ANKS1B: variants seen among roughly 807,000 people sequenced by gnomAD.
ANKS1B encodes the protein ankyrin repeat and sterile alpha motif domain-containing protein 1B.
ANKS1B carries 36 observed loss-of-function variants against 148.3 expected under a neutral mutation model. That is an observed-to-expected ratio of 0.24 (90% CI 0.19 to 0.32). The LOEUF is 0.32. Among genes scored for constraint, ANKS1B ranks in the 10% least tolerant of loss-of-function variants. The probability of loss-of-function intolerance (pLI) is 1.00; values close to 1 mark genes in which losing one functional copy is unlikely to be tolerated. For synonymous variants in ANKS1B, 542 were observed against 560.8 expected (o/e 0.97, Z 0.47); for missense variants, 1,157 against 1,542.6 (o/e 0.75, Z 4.19).
At chr12:99,626,478 C>A (rs568836320) in intron 9 of ANKS1B, among the ~76,000 whole-genome samples, 1 of 152,136 alleles carries the variant, frequency 6.6e-6, no homozygotes, top group Non-Finnish European at 1.5e-5. Context: ...CAGCCCACAT[C>A]CTTTCACTTT....
At position 99,160,833 on chromosome 12, in the gene ANKS1B, AT is replaced by A. The variant is rs1261998607; in HGVS notation, c.2420-6439del. Among the ~76,000 whole-genome samples, 3 of 152,178 alleles carry A rather than the reference AT, an allele frequency of 2.0e-5. No homozygotes were observed. In the South Asian group the frequency reaches 6.2e-4, roughly 32 times the overall value. On this transcript the variant is annotated intron_variant, in intron 14 of 26. Coordinates refer to ENST00000683438, the MANE Select transcript of ANKS1B (RefSeq NM_001352186.2). ...TTGCTTATTTTTGTTGATTTGTCAA[AT>A]ATCAGGTGGCTGTAGGTGTGCGGCT...
intron 17 of ANKS1B, among the ~76,000 whole-genome samples, chr12:98,853,898 C>T (rs2099546840): frequency 6.6e-6 from 1 of 152,292 alleles, no homozygotes; most frequent in Non-Finnish European, 1.5e-5. Context: ...GATGGTGGGA[C>T]AACCGACAGG....
At chr12:99,746,542 C>T (rs1490041630) in intron 8 of ANKS1B, among the ~76,000 whole-genome samples, 1 of 152,092 alleles carries the variant, frequency 6.6e-6, no homozygotes, top group Non-Finnish European at 1.5e-5. Flanking sequence ...CATTCCCTTG[C>T]TTCTATACAA....
chr12:99,203,172 A>G (rs913269276), intron 14 of ANKS1B, among the ~76,000 whole-genome samples: 4 of 152,180 alleles, frequency 2.6e-5, no homozygotes, highest in African/African-American at 9.7e-5. Flanking sequence ...GTAAACCTGC[A>G]TTAGATCTTT....
intron 9 of ANKS1B, among the ~76,000 whole-genome samples, chr12:99,565,200 T>C (rs964790963): frequency 6.6e-6 from 1 of 152,176 alleles, no homozygotes; most frequent in Non-Finnish European, 1.5e-5. Flanking sequence ...CTGTTATTCA[T>C]TGGGCACTAT....
At chr12:99,910,782 T>C (rs1447113585) in intron 1 of ANKS1B, among the ~76,000 whole-genome samples, 1 of 148,052 alleles carries the variant, frequency 6.8e-6, no homozygotes, top group Non-Finnish European at 1.5e-5. Flanking sequence ...AATATATGCA[T>C]ATATATACAT....
rs2064388256 is a variant in ANKS1B, at chr12:99,782,084, C to T, written c.683G>A (p.Ser228Asn). The T allele has an allele frequency of 6.2e-7, 1 of 1,601,174 alleles. No homozygotes were observed. The highest frequency in any genetic ancestry group is 8.5e-7 in the Non-Finnish European group (1 of 1,174,460). Residue 228 changes from serine to asparagine, a missense_variant, in exon 5 of 27, where the codon AGT becomes AAT. By Grantham distance (46) the Ser-to-Asn change is conservative. Coordinates refer to ENST00000683438, the MANE Select transcript of ANKS1B (RefSeq NM_001352186.2). ...MDVSCQTEKG[S>N]ALHEAALFGK... ...AAACAAAGCTGCTTCATGAAGTGCA[C>T]TCCCCTTTTCTGTCTGGAAAAAAAA... is the stretch of plus-strand genomic sequence containing the variant.
chr12:99,401,710 C>T (rs549639544), intron 11 of ANKS1B, among the ~76,000 whole-genome samples: 12 of 146,418 alleles, frequency 8.2e-5, no homozygotes, highest in East Asian at 1.9e-4. Context: ...TGAATATAAA[C>T]GAGGTGGGAG....
chr12:99,542,971 G>A (rs760867632), intron 9 of ANKS1B, among the ~76,000 whole-genome samples: 1 of 151,970 alleles, frequency 6.6e-6, no homozygotes, highest in African/African-American at 2.4e-5. Flanking sequence ...AGTAACAAAA[G>A]AAATAAATAA....
chr12:98,935,258 T>C (rs2099817494), intron 17 of ANKS1B, among the ~76,000 whole-genome samples: 1 of 152,206 alleles, frequency 6.6e-6, no homozygotes, highest in African/African-American at 2.4e-5. Flanking sequence ...TTATCTTTTA[T>C]TCTGTTAATG....
chr12:99,843,001 T>C (rs188571173), intron 1 of ANKS1B, among the ~76,000 whole-genome samples: 1 of 152,250 alleles, frequency 6.6e-6, no homozygotes, highest in Non-Finnish European at 1.5e-5. Context: ...CAAATTTTCT[T>C]TGTATTTCTA....
intron 16 of ANKS1B, among the ~76,000 whole-genome samples, chr12:99,084,231 C>T (rs1045787998): frequency 6.6e-6 from 1 of 152,126 alleles, no homozygotes; most frequent in African/African-American, 2.4e-5. Context: ...GATATCGTCT[C>T]TTATGGGGCA....
intron 12 of ANKS1B, among the ~76,000 whole-genome samples, chr12:99,279,099 G>C (rs371997155): frequency 6.6e-6 from 1 of 152,210 alleles, no homozygotes; most frequent in Non-Finnish European, 1.5e-5. Flanking sequence ...TCACTGACTC[G>C]TTGACTCACT....
intron 11 of ANKS1B, among the ~76,000 whole-genome samples, chr12:99,431,606 G>T (rs2095371904): frequency 6.6e-6 from 1 of 152,144 alleles, no homozygotes; most frequent in South Asian, 2.1e-4. Flanking sequence ...CAATATATTT[G>T]ACAATGGAAA....
intron 4 of ANKS1B, among the ~76,000 whole-genome samples, chr12:99,794,231 A>C (rs1000587333): frequency 1.3e-5 from 2 of 152,038 alleles, no homozygotes; most frequent in African/African-American, 2.4e-5. Context: ...GGGAATGTGA[A>C]TTAGTACAAC....
intron 17 of ANKS1B, among the ~76,000 whole-genome samples, chr12:98,859,269 A>T (rs2099587033): frequency 6.6e-6 from 1 of 152,250 alleles, no homozygotes; most frequent in Non-Finnish European, 1.5e-5. Flanking sequence ...TCAGAGCCCA[A>T]GTCTTCAAAG....
chr12:98,861,518 C>T (rs1432023966), intron 17 of ANKS1B, among the ~76,000 whole-genome samples: 1 of 152,140 alleles, frequency 6.6e-6, no homozygotes, highest in Non-Finnish European at 1.5e-5. Context: ...CAGCAAATGA[C>T]CACTGATTGC....
chr12:99,822,175 G>A (rs1395215472), intron 2 of ANKS1B, among the ~76,000 whole-genome samples: 1 of 152,058 alleles, frequency 6.6e-6, no homozygotes, highest in Non-Finnish European at 1.5e-5. Flanking sequence ...TGCATTAAGA[G>A]CTTTATGACC....
intron 11 of ANKS1B, among the ~76,000 whole-genome samples, chr12:99,405,378 GT>G (rs2094507700): frequency 6.9e-6 from 1 of 145,640 alleles, no homozygotes; most frequent in Non-Finnish European, 1.5e-5. Context: ...AACAACAAAA[GT>G]TAAAAAGTAG....
Sources: gnomAD v4.1 joint callset for allele counts (sites outside exome capture counted in the v4.1 genomes callset) on GRCh38, gnomAD v4.1.1 for gene constraint, MANE v1.5 for transcripts, NCBI Gene and HGNC (gene_info 2026-07-23, HGNC 2026-07-21) for gene names.